The following CHDH variants were observed in gnomAD, a reference collection of about 807,000 sequenced individuals.
CHDH encodes choline dehydrogenase, mitochondrial.
A neutral mutation model predicts 56.9 loss-of-function variants in CHDH; 43 were observed. The ratio of observed to expected loss-of-function variants is 0.76; its 90% CI spans 0.59 to 0.97. The LOEUF (loss-of-function observed/expected upper bound fraction) is 0.97, where lower values mean the gene tolerates loss of function less well. Ranked by LOEUF, CHDH falls within the 50% of genes least tolerant of loss-of-function variation. The pLI is 0.00. For missense variants in CHDH, 816 were observed against 821.1 expected (o/e 0.99, Z 0.08); for synonymous variants, 364 against 348.5 (o/e 1.04, Z -0.50).
Position 53,817,972 on chromosome 3 carries a change from C to A in CHDH, c.1590G>T (p.Pro530=), listed in dbSNP as rs142509609. The A allele has an allele frequency of 6.2e-7, 1 of 1,614,182 alleles. No homozygotes were observed. Among genetic ancestry groups the A allele is most frequent in the Non-Finnish European group, 8.5e-7 (1 of 1,180,036 alleles). The change falls in exon 9 of 9, where the codon CCG becomes CCT. Residue 530 remains proline (P), a synonymous_variant. Transcript: ENST00000315251. ...TTTCCACCCCGAGGACCCTTGTCTG[C>A]GGATCCACCACGGCAGTGGGATCGG... The part of the protein sequence containing the change: ...QPSDPTAVVD[P]QTRVLGVENL...
intron 2 of CHDH, among the ~76,000 whole-genome samples, chr3:53,833,503 T>C (rs574293103): frequency 6.6e-6 from 1 of 152,252 alleles, no homozygotes; most frequent in Admixed American, 6.5e-5. Flanking sequence ...CCCCTTCCAC[T>C]TCCCTGGGCT....
intron 1 of CHDH, chr3:53,844,614 C>T: frequency 6.5e-6 from 1 of 152,768 alleles, no homozygotes; most frequent in Non-Finnish European, 1.5e-5. Context: ...AGCCTGTGTG[C>T]CGAACAACAC....
At chr3:53,822,368 C>A (rs1040516680) in intron 4 of CHDH, 123 bp downstream of exon 4, 53 of 909,952 alleles carry the variant, frequency 5.8e-5, no homozygotes, top group Non-Finnish European at 8.4e-5. Context: ...CCCCTCCCCC[C>A]GCCATCACAG....
At position 53,820,348 on chromosome 3, in the gene CHDH, A is replaced by G. The variant is rs193279935; in HGVS notation, c.1120+126T>C. The G allele has an allele frequency of 1.9e-4, 218 of 1,150,588 alleles. 1 individual carries two copies. The East Asian group carries it at 4.4e-3, about 23-fold the overall frequency. 71.3% of individuals were successfully genotyped at this position (1,150,588 alleles called of 1,614,324 possible). On this transcript the variant is annotated intron_variant, in intron 6 of 8. Coordinates refer to ENST00000315251, the MANE Select transcript of CHDH (RefSeq NM_018397.5). ...TTTGAAGATGGAAAAACTGAGGCTCAGGGCTAAGGTAAATGGCATAGTTCC... is the reference window on the plus strand; with the variant it reads ...TTTGAAGATGGAAAAACTGAGGCTCGGGGCTAAGGTAAATGGCATAGTTCC...
chr3:53,832,105 T>G (rs371217874), intron 2 of CHDH, among the ~76,000 whole-genome samples: 46 of 152,328 alleles, frequency 3.0e-4, no homozygotes, highest in African/African-American at 1.1e-3. Flanking sequence ...GACCATGTGA[T>G]TCAGTAATTC....
intron 6 of CHDH, 56 bp downstream of exon 6, chr3:53,820,418 G>T (rs2095623940): frequency 9.6e-6 from 15 of 1,556,046 alleles, no homozygotes; most frequent in Non-Finnish European, 1.3e-5. Flanking sequence ...TCCTCAGGAA[G>T]GAGGTCTCAA....
intron 3 of CHDH, 82 bp from the exon 4 acceptor site, chr3:53,822,724 G>A: frequency 6.6e-7 from 1 of 1,506,126 alleles, no homozygotes; most frequent in Non-Finnish European, 9.0e-7. Flanking sequence ...GAGAAAGAAA[G>A]AGTGGATATG....
intron 5 of CHDH, 41 bp downstream of exon 5, chr3:53,821,606 G>A: frequency 1.3e-6 from 2 of 1,587,740 alleles, no homozygotes; most frequent in Non-Finnish European, 1.7e-6. Flanking sequence ...CTTTTGTTGA[G>A]CAGAGACAGC....
Position 53,816,387 on chromosome 3 carries a change from CT to C in CHDH, c.*1389del, listed in dbSNP as rs1354604317. The C allele has an allele frequency of 6.6e-6, 1 of 152,208 alleles. No homozygotes were observed. The highest frequency in any genetic ancestry group is 1.5e-5 in the Non-Finnish European group (1 of 68,034). The allele number at this position is 152,208 out of a possible 1,614,324, so 9.4% of individuals were successfully genotyped here. The stretch of plus-strand genomic sequence containing the variant: ...AGTTCAAATGTGAGTGACTGGATCA[CT>C]TTATTGAATGGTAAGAAATTTAAAG... On this transcript the variant is annotated 3_prime_UTR_variant, in exon 9 of 9. Coordinates refer to ENST00000315251, the MANE Select transcript of CHDH (RefSeq NM_018397.5).
At chr3:53,829,785 C>T (rs1698278043) in intron 2 of CHDH, among the ~76,000 whole-genome samples, 1 of 152,154 alleles carries the variant, frequency 6.6e-6, no homozygotes, top group Non-Finnish European at 1.5e-5. Flanking sequence ...TAATAATAAC[C>T]AGGAACACTC....
chr3:53,838,064 A>T (rs1272508254), intron 2 of CHDH, among the ~76,000 whole-genome samples: 1 of 147,162 alleles, frequency 6.8e-6, no homozygotes, highest in Non-Finnish European at 1.5e-5. Flanking sequence ...CTCAAAAAAA[A>T]AAAAAAAAAA....
rs1353558437 is a variant in CHDH at position 53,823,628 on chromosome 3, G to C, written c.381C>G (p.Val127=). 4 of 1,543,890 alleles carry C rather than the reference G, an allele frequency of 2.6e-6. No homozygotes were observed. The highest frequency in any genetic ancestry group is 1.4e-5 in the African/African-American group (1 of 72,962). ...GRVLYWPRGR[V]WGGSSSLNAM... Reference sequence around the variant, plus strand: ...CATTGAGGGATGAGGAGCCACCCCAGACGCGGCCGCGTGGCCAGTACAGCA... The same window carrying C: ...CATTGAGGGATGAGGAGCCACCCCACACGCGGCCGCGTGGCCAGTACAGCA... Residue 127 remains valine, a synonymous_variant, in exon 3 of 9, where the codon GTC becomes GTG. Coordinates refer to ENST00000315251, the MANE Select transcript of CHDH (RefSeq NM_018397.5).
chr3:53,823,880 A>G lies in CHDH; in HGVS notation c.129T>C (p.Tyr43=). 6.3e-7 allele frequency: 1 copy of G among 1,590,378 alleles called. No homozygotes were observed. Residue 43 remains tyrosine (Y), a synonymous_variant, in exon 3 of 9, where the codon TAT becomes TAC. Coordinates refer to ENST00000315251, the MANE Select transcript of CHDH (RefSeq NM_018397.5). The part of the protein sequence containing the change: ...AGSESRDEYS[Y]VVVGAGSAGC... ...CCGCCGAGCCCGCGCCCACCACCAC[A>G]TAGCTGTACTCGTCCCGGCTCTCAG...
chr3:53,817,905 T>C lies in CHDH; in HGVS notation c.1657A>G (p.Ser553Gly), dbSNP rs1484245989. The change falls in exon 9 of 9, where the codon AGC (serine) becomes GGC (glycine). Residue 553 changes from serine to glycine, a missense_variant. Coordinates refer to ENST00000315251, the MANE Select transcript of CHDH (RefSeq NM_018397.5). The stretch of plus-strand genomic sequence containing the variant: ...ATTGTGGGGGCGTTCAGGTTGCCGC[T>C]GACCATGCTAGGCATGATGGAGGCA... Reference protein sequence around the residue: ...VDASIMPSMVSGNLNAPTIMI... With the variant: ...VDASIMPSMVGGNLNAPTIMI... 1 of 1,614,228 alleles carries C rather than the reference T, an allele frequency of 6.2e-7. No homozygotes were observed. The highest frequency in any genetic ancestry group is 8.5e-7 in the Non-Finnish European group (1 of 1,180,044).
Position 53,834,272 on chromosome 3 carries a change from C to A in CHDH, c.-60+6657G>T, listed in dbSNP as rs146121789. ...AACCAGCCTGGCCAACATGGTGAAC[C>A]CTGTCTCTACTAAAAATACAAAAAA... On this transcript the variant is annotated intron_variant, in intron 2 of 8. Transcript: ENST00000315251. Among the ~76,000 whole-genome samples the A allele has an allele frequency of 2.4e-3, 368 of 152,188 alleles. 2 individuals carry two copies. Among genetic ancestry groups the A allele is most frequent in the Non-Finnish European group, 3.7e-3 (252 of 68,002 alleles).
intron 8 of CHDH, among the ~76,000 whole-genome samples, chr3:53,818,719 C>T (rs1284385921): frequency 6.6e-6 from 1 of 152,208 alleles, no homozygotes; most frequent in Non-Finnish European, 1.5e-5. Flanking sequence ...GAAAATCTCC[C>T]CTACTGTCTA....
At position 53,821,748 on chromosome 3, in the gene CHDH, C is replaced by T; in HGVS notation, c.884G>A (p.Ser295Asn). Residue 295 changes from serine (S) to asparagine (N), a missense_variant, in exon 5 of 9, where the codon AGT (serine) becomes AAT (asparagine). Transcript: ENST00000315251. Reference protein sequence around the residue: ...RAYASKEVILSGGAINSPQLL... With the variant: ...RAYASKEVILNGGAINSPQLL... Reference sequence around the variant, plus strand: ...CTGTGGAGAGTTGATGGCACCTCCACTCAGAATCACCTCCTTGCTGGCATA... The same window carrying T: ...CTGTGGAGAGTTGATGGCACCTCCATTCAGAATCACCTCCTTGCTGGCATA... 1.2e-6 allele frequency: 2 copies of T among 1,614,048 alleles called. No individual in the cohort carries two copies. Among genetic ancestry groups the T allele is most frequent in the Non-Finnish European group, 1.7e-6 (2 of 1,179,942 alleles).
Position 53,818,108 on chromosome 3 carries a change from T to C in CHDH, c.1454A>G (p.Glu485Gly). ...QEALAPFRGK[E>G]LQPGSHIQSD... ...CTGAATGTGGCTTCCTGGCTGGAGC[T>C]CTTTCCCTCGGAACGGAGCCAGGGC... Residue 485 changes from glutamate to glycine, a missense_variant, in exon 9 of 9, where the codon GAG becomes GGG. Coordinates refer to ENST00000315251, the MANE Select transcript of CHDH (RefSeq NM_018397.5). 1.2e-6 allele frequency: 2 copies of C among 1,614,034 alleles called. No individual in the cohort carries two copies. Among genetic ancestry groups the C allele is most frequent in the Non-Finnish European group, 1.7e-6 (2 of 1,179,938 alleles).
At chr3:53,835,419 A>T (rs1698465724) in intron 2 of CHDH, among the ~76,000 whole-genome samples, 1 of 152,190 alleles carries the variant, frequency 6.6e-6, no homozygotes, top group South Asian at 2.1e-4. Context: ...CTTGCACTTG[A>T]CCTTCACACC....
Sources: gnomAD v4.1 joint callset for allele counts (sites outside exome capture counted in the v4.1 genomes callset) on GRCh38, gnomAD v4.1.1 for gene constraint, MANE v1.5 for transcripts, NCBI Gene and HGNC (gene_info 2026-07-23, HGNC 2026-07-21) for gene names.